Variants in SH3GL3 observed in about 807,000 individuals in gnomAD.
SH3GL3 encodes the protein endophilin-A3.
In SH3GL3, 33 loss-of-function variants were observed where a neutral mutation model predicts 47.7. That is an observed-to-expected ratio of 0.69 (90% CI 0.52 to 0.92). The LOEUF is 0.92. Among genes scored for constraint, SH3GL3 ranks in the 40% least tolerant of loss-of-function variants. The probability of loss-of-function intolerance (pLI) is 0.00; values close to 1 mark genes in which losing one functional copy is unlikely to be tolerated. For missense variants in SH3GL3, 363 were observed against 417.8 expected, an observed-to-expected ratio of 0.87 and a Z score of 1.14; for synonymous variants, 155 against 148.8, an observed-to-expected ratio of 1.04 and a Z score of -0.30.
At chr15:83,498,842 G>A (rs1288277463) in intron 1 of SH3GL3, among the ~76,000 whole-genome samples, 1 of 152,146 alleles carries the variant, frequency 6.6e-6, no homozygotes, top group African/African-American at 2.4e-5. Flanking sequence ...ATGTTGTCAA[G>A]CCCTTGTGTC....
intron 1 of SH3GL3, among the ~76,000 whole-genome samples, chr15:83,458,572 C>T (rs755780809): frequency 1.1e-4 from 17 of 152,144 alleles, no homozygotes; most frequent in South Asian, 6.2e-4. Flanking sequence ...ATCTGATATC[C>T]GAGTCAAATC....
chr15:83,601,308 A>G (rs2060372184), intron 8 of SH3GL3, among the ~76,000 whole-genome samples: 1 of 152,256 alleles, frequency 6.6e-6, no homozygotes, highest in African/African-American at 2.4e-5. Context: ...ACTTTTGTCG[A>G]TTCAGTATTA....
the SH3GL3 span, among the ~76,000 whole-genome samples, chr15:83,625,318 GT>G: frequency 6.6e-6 from 1 of 152,212 alleles, no homozygotes; most frequent in Admixed American, 6.5e-5. Flanking sequence ...TATCAGAACT[GT>G]GCTCTGAAGG....
chr15:83,480,111 T>C (rs2041280533), intron 1 of SH3GL3, among the ~76,000 whole-genome samples: 1 of 152,238 alleles, frequency 6.6e-6, no homozygotes, highest in African/African-American at 2.4e-5. Context: ...GTTGTTTCTT[T>C]GGGCATCAGA....
chr15:83,497,091 T>C (rs778576521), intron 1 of SH3GL3, among the ~76,000 whole-genome samples: 3 of 152,176 alleles, frequency 2.0e-5, no homozygotes, highest in Non-Finnish European at 4.4e-5. Flanking sequence ...CAGGAACTGC[T>C]GGAGAAAATC....
intron 3 of SH3GL3, among the ~76,000 whole-genome samples, chr15:83,566,365 A>AGAGT (rs1459069703): frequency 0.033 from 4,499 of 136,526 alleles, 92 homozygotes; most frequent in Middle Eastern, 0.06. Flanking sequence ...AGAGAGAGAG[A>AGAGT]GTGTGTGTGT....
At chr15:83,468,491 C>T (rs765737214) in intron 1 of SH3GL3, among the ~76,000 whole-genome samples, 5 of 152,178 alleles carry the variant, frequency 3.3e-5, no homozygotes, top group Non-Finnish European at 7.3e-5. Flanking sequence ...GTAGTGTTCA[C>T]TGTAGGATTT....
chr15:83,600,406 A>G (rs2060348646), intron 8 of SH3GL3, among the ~76,000 whole-genome samples: 4 of 152,138 alleles, frequency 2.6e-5, no homozygotes. Flanking sequence ...TCTCCTACAC[A>G]TAGCTTGCCA....
chr15:83,447,607 G>GA lies in SH3GL3; in HGVS notation c.45+30dup. 6.8e-7 allele frequency: 1 copy of GA among 1,465,040 alleles called. No homozygotes were observed. The highest frequency in any genetic ancestry group is 9.1e-7 in the Non-Finnish European group (1 of 1,095,004). The allele number at this position is 1,465,040 out of a possible 1,614,324, so 90.8% of individuals were successfully genotyped here. On this transcript the variant is annotated intron_variant, in intron 1 of 8. Transcript: ENST00000427482. This position sits in a 1 kb window ranked among gnomAD's most constrained non-coding sequence, Gnocchi z 5.1. ...GGGAGGCGCAGAGGAGGGAAGGAGG[G>GA]AGGGGGACGCGGAGGCTGCGGCCCC...
the SH3GL3 span, among the ~76,000 whole-genome samples, chr15:83,628,830 C>T: frequency 6.6e-6 from 1 of 151,582 alleles, no homozygotes; most frequent in Non-Finnish European, 1.5e-5. Context: ...TAGAAAATCC[C>T]AAGAATCTGT....
intron 8 of SH3GL3, chr15:83,609,433 G>A: frequency 2.4e-6 from 1 of 411,476 alleles, no homozygotes; most frequent in Non-Finnish European, 4.8e-6. Flanking sequence ...CAGCAGTCTG[G>A]GGGATTTACT....
intron 1 of SH3GL3, among the ~76,000 whole-genome samples, chr15:83,480,858 T>G (rs961082708): frequency 4.6e-5 from 7 of 152,300 alleles, no homozygotes; most frequent in Admixed American, 2.6e-4. Context: ...GGCTTGACCA[T>G]TCAAGGATTT....
intron 1 of SH3GL3, among the ~76,000 whole-genome samples, chr15:83,528,118 T>C (rs1464015852): frequency 2.0e-5 from 3 of 152,312 alleles, no homozygotes; most frequent in African/African-American, 7.2e-5. Context: ...AACATAAACC[T>C]CAAGCTTATT....
chr15:83,612,385 C>G (rs2060691812), intron 8 of SH3GL3, among the ~76,000 whole-genome samples: 1 of 152,246 alleles, frequency 6.6e-6, no homozygotes, highest in Admixed American at 6.5e-5. Flanking sequence ...AGGCCTCCCT[C>G]TCTGGGTTGC....
At position 83,596,535 on chromosome 15, in the gene SH3GL3, T is replaced by C. The variant is rs963524597; in HGVS notation, c.838+7764T>C. Among the ~76,000 whole-genome samples the C allele has an allele frequency of 2.0e-5, 3 of 152,356 alleles. No individual in the cohort carries two copies. In the South Asian group the frequency reaches 6.2e-4, roughly 32 times the overall value. Reference sequence around the variant, plus strand: ...CTCCTGGCAATTGTATCCAGAAGTATGGGAAGTTGGCTACATTCCCTTCCG... The same window carrying C: ...CTCCTGGCAATTGTATCCAGAAGTACGGGAAGTTGGCTACATTCCCTTCCG... On this transcript the variant is annotated intron_variant, in intron 8 of 8. Coordinates refer to ENST00000427482, the MANE Select transcript of SH3GL3 (RefSeq NM_003027.5).
intron 1 of SH3GL3, among the ~76,000 whole-genome samples, chr15:83,553,203 C>A (rs2044756611): frequency 6.6e-6 from 1 of 152,104 alleles, no homozygotes; most frequent in South Asian, 2.1e-4. Flanking sequence ...CAAAGCGAGA[C>A]CCTGTCTCAA....
chr15:83,473,686 G>C (rs1051316155), intron 1 of SH3GL3, among the ~76,000 whole-genome samples: 1 of 151,586 alleles, frequency 6.6e-6, no homozygotes, highest in Admixed American at 6.6e-5. Flanking sequence ...TAGCTGGGAC[G>C]ACAGGCACCC....
chr15:83,618,107 C>T lies in SH3GL3; in HGVS notation c.864C>T (p.Pro288=). ...GTTCTAACATTCCCATGGACCAGCC[C>T]TGCTGTCGTGGTCTCTATGACTTTG... ...TTGSNIPMDQ[P]CCRGLYDFEP... is the part of the protein sequence containing the mutation. Residue 288 remains proline (P), a synonymous_variant, in exon 9 of 9, where the codon CCC becomes CCT. Coordinates refer to ENST00000427482, the MANE Select transcript of SH3GL3 (RefSeq NM_003027.5). 1.2e-6 allele frequency: 2 copies of T among 1,613,584 alleles called. No individual in the cohort carries two copies. The highest frequency in any genetic ancestry group is 1.7e-6 in the Non-Finnish European group (2 of 1,179,454).
At chr15:83,488,952 A>G (rs1282571213) in intron 1 of SH3GL3, among the ~76,000 whole-genome samples, 1 of 152,202 alleles carries the variant, frequency 6.6e-6, no homozygotes, top group African/African-American at 2.4e-5. Context: ...CCAGAAGACC[A>G]TGTTGGCTTT....
Sources: gnomAD v4.1 joint callset for allele counts (sites outside exome capture counted in the v4.1 genomes callset) on GRCh38, gnomAD v4.1.1 for gene constraint, Gnocchi (gnomAD v3.1) non-coding constraint, MANE v1.5 for transcripts, NCBI Gene and HGNC (gene_info 2026-07-23, HGNC 2026-07-21) for gene names.